The following ANKRD24 variants were observed in gnomAD, a reference collection of about 807,000 sequenced individuals.
ANKRD24 encodes the protein ankyrin repeat domain-containing protein 24.
A neutral mutation model predicts 127.8 loss-of-function variants in ANKRD24; 109 were observed. That is an observed-to-expected ratio of 0.85 (90% CI 0.73 to 1.00). The LOEUF (loss-of-function observed/expected upper bound fraction) is 1.00, where lower values mean the gene tolerates loss of function less well. Ranked by LOEUF, ANKRD24 falls within the 50% of genes least tolerant of loss-of-function variation. ANKRD24 has a pLI of 0.00. For synonymous variants in ANKRD24, 743 were observed against 671.1 expected (o/e 1.11, Z -1.66); for missense variants, 1,648 against 1,570.2 (o/e 1.05, Z -0.84).
At chr19:4,214,846 T>G (rs895881042) in intron 15 of ANKRD24, among the ~76,000 whole-genome samples, 1 of 151,738 alleles carries the variant, frequency 6.6e-6, no homozygotes, top group Non-Finnish European at 1.5e-5. Flanking sequence ...AGAGCGAGAC[T>G]CTCTCAAAAC....
chr19:4,214,679 C>T (rs1186429078), intron 15 of ANKRD24, among the ~76,000 whole-genome samples: 1 of 151,978 alleles, frequency 6.6e-6, no homozygotes, highest in Non-Finnish European at 1.5e-5. Flanking sequence ...CATGGGGAAA[C>T]CCCATCTCTA....
chr19:4,207,167 T>G (rs1320500965), intron 7 of ANKRD24, 75 bp from the exon 8 acceptor site: 5 of 1,299,548 alleles, frequency 3.8e-6, no homozygotes, highest in Non-Finnish European at 5.4e-6. Flanking sequence ...CAAGCGAACC[T>G]CCTGCCTTGG....
In ANKRD24 at chr19:4,182,729, CTT is replaced by C; in HGVS notation, c.-46_-45del. The C allele has an allele frequency of 7.1e-7, 1 of 1,402,082 alleles. No homozygotes were observed. Among genetic ancestry groups the C allele is most frequent in the Non-Finnish European group, 9.3e-7 (1 of 1,076,378 alleles). The allele number at this position is 1,402,082 out of a possible 1,614,324, so 86.9% of individuals were successfully genotyped here. ...TCTGCTGTCAGAAGGAAGCCTGCCT[CTT>C]TGCATGCAGGTGTTTGCGGGGCTTG... On this transcript the variant is annotated 5_prime_UTR_variant, in exon 1 of 22. Coordinates refer to ENST00000318934, the MANE Select transcript of ANKRD24 (RefSeq NM_001393985.1).
rs375348610 is a variant in ANKRD24 at position 4,199,214 on chromosome 19, A to T, written c.37-469A>T. Among the ~76,000 whole-genome samples, 16 of 152,056 alleles carry T rather than the reference A, an allele frequency of 1.1e-4. No homozygotes were observed. In the East Asian group the frequency reaches 2.5e-3, roughly 24 times the overall value. On this transcript the variant is annotated intron_variant, in intron 2 of 21. Coordinates refer to ENST00000318934, the MANE Select transcript of ANKRD24 (RefSeq NM_001393985.1). The surrounding 1 kb of genome is among the most constrained non-coding windows in gnomAD (Gnocchi z 5.2). Reference sequence around the variant, plus strand: ...ATCCATTTGCTGGGGGCGATGTTGCAGGGGTGGCTTTCACTAAGGGATGAA... The same window carrying T: ...ATCCATTTGCTGGGGGCGATGTTGCTGGGGTGGCTTTCACTAAGGGATGAA...
At position 4,216,797 on chromosome 19, in the gene ANKRD24, TA is replaced by T; in HGVS notation, c.1640del (p.Asn547MetfsTer16). ...ATKNGPTHME[L>X]NGSVAPETKV... is the part of the protein sequence containing the mutation. ...AAAAACGGGCCAACCCACATGGAGC[TA>T]AATGGCTCAGTGGCTCCAGAAACCA... On this transcript the variant is annotated frameshift_variant, in exon 18 of 22. Transcript: ENST00000318934. LOFTEE classifies it high-confidence loss of function. 1 of 1,602,648 alleles carries T rather than the reference TA, an allele frequency of 6.2e-7. No homozygotes were observed. Among genetic ancestry groups the T allele is most frequent in the East Asian group, 2.3e-5 (1 of 44,378 alleles).
At position 4,207,317 on chromosome 19, in the gene ANKRD24, G is replaced by A. The variant is rs1218084366; in HGVS notation, c.537+5G>A. On this transcript the variant is annotated splice_donor_5th_base_variant and intron_variant, in intron 8 of 21. Coordinates refer to ENST00000318934, the MANE Select transcript of ANKRD24 (RefSeq NM_001393985.1). ...CATCTAAACCCCCAAGATCGGGTAAGCTTCTGGGATCTCTTCAGGGAAGAT... is the reference window on the plus strand; with the variant it reads ...CATCTAAACCCCCAAGATCGGGTAAACTTCTGGGATCTCTTCAGGGAAGAT... 2 of 1,613,414 alleles carry A rather than the reference G, an allele frequency of 1.2e-6. No homozygotes were observed. The highest frequency in any genetic ancestry group is 1.7e-6 in the Non-Finnish European group (2 of 1,179,420).
intron 2 of ANKRD24, among the ~76,000 whole-genome samples, chr19:4,194,184 A>T (rs1347187777): frequency 2.6e-5 from 4 of 152,150 alleles, no homozygotes; most frequent in African/African-American, 9.7e-5. Context: ...TTGTTCCGAG[A>T]TGGAGTCTGG....
intron 2 of ANKRD24, among the ~76,000 whole-genome samples, chr19:4,187,230 T>G (rs1197124835): frequency 6.6e-6 from 1 of 152,012 alleles, no homozygotes; most frequent in Non-Finnish European, 1.5e-5. Flanking sequence ...CTGGCCAACA[T>G]GGTGAAACGT....
chr19:4,222,925 T>G (rs1970519746), intron 20 of ANKRD24, 130 bp downstream of exon 20: 1 of 1,067,384 alleles, frequency 9.4e-7, no homozygotes, highest in Non-Finnish European at 1.3e-6. Context: ...CCACATCACA[T>G]GCACGGCATG....
chr19:4,219,892 A>T, intron 19 of ANKRD24, 134 bp downstream of exon 19: 1 of 1,078,392 alleles, frequency 9.3e-7, no homozygotes, highest in Non-Finnish European at 1.3e-6. Context: ...GAGGCTCAGA[A>T]ACGGAAGGGG....
chr19:4,207,234 T>C lies in ANKRD24; in HGVS notation c.467-8T>C. On this transcript the variant is annotated splice_region_variant and splice_polypyrimidine_tract_variant and intron_variant, in intron 7 of 21. Transcript: ENST00000318934. ...CTACCGCACCGGACAACCTTTTCTCTTTTGCAGCGGCTGGTGGCTGTCTCT... is the reference window on the plus strand; with the variant it reads ...CTACCGCACCGGACAACCTTTTCTCCTTTGCAGCGGCTGGTGGCTGTCTCT... 1 of 1,613,642 alleles carries C rather than the reference T, an allele frequency of 6.2e-7. No individual in the cohort carries two copies. The highest frequency in any genetic ancestry group is 8.5e-7 in the Non-Finnish European group (1 of 1,179,776).
chr19:4,223,628 G>A (rs78953282), intron 20 of ANKRD24, among the ~76,000 whole-genome samples: 11 of 151,036 alleles, frequency 7.3e-5, no homozygotes, highest in African/African-American at 2.4e-4. Context: ...TGCAGTGCAC[G>A]ATCTCAGCTC....
intron 8 of ANKRD24, 40 bp from the exon 9 acceptor site, chr19:4,207,461 C>G (rs1418786693): frequency 1.3e-6 from 2 of 1,598,542 alleles, no homozygotes; most frequent in African/African-American, 2.7e-5. Flanking sequence ...TCCCGGGGGT[C>G]AGTTTCTCAT....
Position 4,198,962 on chromosome 19 carries a change from G to A in ANKRD24, c.37-721G>A, listed in dbSNP as rs1185459388. ...ATTTTTGGGACATGACGGTATCATT[G>A]GGAAGGATGGTTTTACAGAACACTT... is the stretch of plus-strand genomic sequence containing the variant. On this transcript the variant is annotated intron_variant, in intron 2 of 21. Coordinates refer to ENST00000318934, the MANE Select transcript of ANKRD24 (RefSeq NM_001393985.1). This position sits in a 1 kb window ranked among gnomAD's most constrained non-coding sequence, Gnocchi z 6.1. Among the ~76,000 whole-genome samples the A allele has an allele frequency of 2.6e-5, 4 of 152,072 alleles. No homozygotes were observed. The East Asian group carries it at 7.7e-4, about 29-fold the overall frequency.
At chr19:4,189,403 A>G (rs1045460425) in intron 2 of ANKRD24, among the ~76,000 whole-genome samples, 11 of 151,026 alleles carry the variant, frequency 7.3e-5, no homozygotes, top group African/African-American at 2.7e-4. Flanking sequence ...GGCACGCACT[A>G]CCACGCCCAG....
rs969697914 is a variant in ANKRD24, at chr19:4,217,494, G to GGGCGGT, written c.2342_2347dup (p.Gly781_Gly782dup). 16 of 1,409,410 alleles carry GGGCGGT rather than the reference G, an allele frequency of 1.1e-5. No individual in the cohort carries two copies. The highest frequency in any genetic ancestry group is 1.6e-5 in the South Asian group (1 of 64,124). 87.3% of individuals were successfully genotyped at this position (1,409,410 alleles called of 1,614,324 possible). On this transcript the variant is annotated inframe_insertion, in exon 18 of 22. Transcript: ENST00000318934. Reference sequence around the variant, plus strand: ...AGGCCGAGGGCAGCGGGGCCAGCGGGGGCGGTGGCGGTGACACCACACAGC... The same window carrying GGGCGGT: ...AGGCCGAGGGCAGCGGGGCCAGCGGGGGCGGTGGCGGTGGCGGTGACACCACACAGC...
In ANKRD24 at chr19:4,198,113, A is replaced by AGATG; in HGVS notation, c.37-1567_37-1564dup. 4.1e-6 allele frequency: 2 copies of AGATG among 485,132 alleles called. No individual in the cohort carries two copies. Among genetic ancestry groups the AGATG allele is most frequent in the Non-Finnish European group, 7.3e-6 (2 of 273,170 alleles). The allele number at this position is 485,132 out of a possible 1,614,324, so 30.1% of individuals were successfully genotyped here. On this transcript the variant is annotated intron_variant, in intron 2 of 21. Transcript: ENST00000318934. The surrounding 1 kb of genome is among the most constrained non-coding windows in gnomAD (Gnocchi z 6.1). ...CCCTTGGCCGACTCGGAGGAGGTGG[A>AGATG]GATGGACGCCCGCGGGTCCCCTGGA... is the stretch of plus-strand genomic sequence containing the variant.
intron 2 of ANKRD24, among the ~76,000 whole-genome samples, chr19:4,187,408 A>C (rs1430338106): frequency 1.3e-5 from 2 of 151,056 alleles, no homozygotes; most frequent in African/African-American, 4.9e-5. Context: ...GTGAGACTCC[A>C]TCTCAAAAAA....
intron 20 of ANKRD24, among the ~76,000 whole-genome samples, chr19:4,223,283 G>A (rs1020161458): frequency 1.3e-5 from 2 of 150,716 alleles, no homozygotes; most frequent in Non-Finnish European, 2.9e-5. Context: ...AGGCTGGAGT[G>A]CAGTGGTGCA....
Sources: gnomAD v4.1 joint callset for allele counts (sites outside exome capture counted in the v4.1 genomes callset) on GRCh38, gnomAD v4.1.1 for gene constraint, Gnocchi (gnomAD v3.1) non-coding constraint, MANE v1.5 for transcripts, NCBI Gene and HGNC (gene_info 2026-07-23, HGNC 2026-07-21) for gene names.